TMEM53: variants seen among roughly 807,000 people sequenced by gnomAD.
TMEM53 encodes the protein transmembrane protein 53, also known as novel DUF829 domain-containing protein.
A neutral mutation model predicts 21.4 loss-of-function variants in TMEM53; 14 were observed. The ratio of observed to expected loss-of-function variants is 0.65; its 90% confidence interval spans 0.43 to 1.02. The LOEUF (loss-of-function observed/expected upper bound fraction) is 1.02, where lower values mean the gene tolerates loss of function less well. Ranked by LOEUF, TMEM53 falls within the 50% of genes least tolerant of loss-of-function variation. The probability of loss-of-function intolerance (pLI) is 0.00; values close to 1 mark genes in which losing one functional copy is unlikely to be tolerated. For synonymous variants in TMEM53, 148 were observed against 157.4 expected, an observed-to-expected ratio of 0.94 and a Z score of 0.45; for missense variants, 323 against 383.6, an observed-to-expected ratio of 0.84 and a Z score of 1.32.
intron 2 of TMEM53, among the ~76,000 whole-genome samples, chr1:44,658,132 C>T (rs373122836): frequency 2.0e-5 from 3 of 152,142 alleles, no homozygotes; most frequent in African/African-American, 7.2e-5. Flanking sequence ...CTGGCCACTC[C>T]TCCTTTCCTT....
At chr1:44,656,009 G>C (rs907516910) in intron 2 of TMEM53, among the ~76,000 whole-genome samples, 2 of 152,084 alleles carry the variant, frequency 1.3e-5, no homozygotes, top group Non-Finnish European at 2.9e-5. Context: ...TCTCCACACA[G>C]GTCCCCTTCT....
intron 1 of TMEM53, among the ~76,000 whole-genome samples, chr1:44,668,124 A>G (rs1366503339): frequency 6.6e-6 from 1 of 152,166 alleles, no homozygotes; most frequent in Non-Finnish European, 1.5e-5. Flanking sequence ...CAGAATGAAA[A>G]TAGAAACCAT....
rs564983822 is a variant in TMEM53 at position 44,658,276 on chromosome 1, C to T, written c.183+1898G>A. On this transcript the variant is annotated intron_variant, in intron 2 of 2. Transcript: ENST00000372237. ...GCCTATGGATTCTCTTCTAGTGTTCCGGTCTCAAAAAACACACCCCCCTCT... is the reference window on the plus strand; with the variant it reads ...GCCTATGGATTCTCTTCTAGTGTTCTGGTCTCAAAAAACACACCCCCCTCT... 3.0e-4 allele frequency among the ~76,000 whole-genome samples: 45 copies of T among 152,154 alleles called. 1 individual carries two copies. The highest frequency in any genetic ancestry group is 7.7e-4 in the East Asian group (4 of 5,184).
intron 1 of TMEM53, among the ~76,000 whole-genome samples, chr1:44,669,946 G>GCA (rs1557497924): frequency 3.3e-5 from 5 of 151,776 alleles, no homozygotes; most frequent in African/African-American, 1.2e-4. Context: ...TTATAGGCAT[G>GCA]CGCCACCACA....
Position 44,674,393 on chromosome 1 carries a change from G to A in TMEM53, c.-2C>T. The A allele has an allele frequency of 6.2e-7, 1 of 1,610,924 alleles. No individual in the cohort carries two copies. The highest frequency in any genetic ancestry group is 8.5e-7 in the Non-Finnish European group (1 of 1,178,376). ...GTAGTCCAGCTCTGCCGAGGCCATG[G>A]TGAAGGCGCCGGCCCAGAGCACGGG... On this transcript the variant is annotated 5_prime_UTR_variant, in exon 1 of 3. Transcript: ENST00000372237.
chr1:44,660,353 C>A, intron 1 of TMEM53, 58 bp from the exon 2 acceptor site: 1 of 1,557,448 alleles, frequency 6.4e-7, no homozygotes, highest in Non-Finnish European at 8.7e-7. Context: ...GGGGTGACTG[C>A]CCAATCCAGA....
At position 44,654,933 on chromosome 1, in the gene TMEM53, C is replaced by T; in HGVS notation, c.460G>A (p.Ala154Thr). ...AGGATGGCTGCCAGGGCCCGCAGAG[C>T]CCCTACCAGGTTGCTGTCACCAGGA... ...SAPGDSNLVG[A>T]LRALAAILER... Residue 154 changes from alanine (A) to threonine (T), a missense_variant, in exon 3 of 3, where the codon GCT becomes ACT. By Grantham distance (58) the Ala-to-Thr change is moderately conservative (BLOSUM62 0). Transcript: ENST00000372237. This position sits in a 1 kb window ranked among gnomAD's most constrained non-coding sequence, Gnocchi z 7.0. The T allele has an allele frequency of 6.2e-7, 1 of 1,613,524 alleles. No individual in the cohort carries two copies. The highest frequency in any genetic ancestry group is 1.3e-5 in the African/African-American group (1 of 75,050).
At position 44,654,379 on chromosome 1, in the gene TMEM53, G is replaced by T; in HGVS notation, c.*180C>A. On this transcript the variant is annotated 3_prime_UTR_variant, in exon 3 of 3. Coordinates refer to ENST00000372237, the MANE Select transcript of TMEM53 (RefSeq NM_024587.4). This position sits in a 1 kb window ranked among gnomAD's most constrained non-coding sequence, Gnocchi z 7.0. The stretch of plus-strand genomic sequence containing the variant: ...CCTGCCCCTTAGGATTCTGTGGTAA[G>T]CAGACCACCAGCAGACAGAGGCCCC... 1 of 677,004 alleles carries T rather than the reference G, an allele frequency of 1.5e-6. No individual in the cohort carries two copies. Among genetic ancestry groups the T allele is most frequent in the Non-Finnish European group, 2.5e-6 (1 of 405,508 alleles). 41.9% of individuals were successfully genotyped at this position (677,004 alleles called of 1,614,324 possible).
chr1:44,661,727 G>A (rs867703184), intron 1 of TMEM53, among the ~76,000 whole-genome samples: 26 of 152,224 alleles, frequency 1.7e-4, no homozygotes, highest in Admixed American at 5.9e-4. Context: ...GTGTAGGGCT[G>A]GGAATCTGGC....
rs1033591049 is a variant in TMEM53 at position 44,654,428 on chromosome 1, T to C, written c.*131A>G. On this transcript the variant is annotated 3_prime_UTR_variant, in exon 3 of 3. Coordinates refer to ENST00000372237, the MANE Select transcript of TMEM53 (RefSeq NM_024587.4). This position sits in a 1 kb window ranked among gnomAD's most constrained non-coding sequence, Gnocchi z 7.0. ...CCCAGGAGACAGGCCCATAGGAATT[T>C]TCTACTTAGGGGACCGCAAAGTCCC... 4 of 1,104,812 alleles carry C rather than the reference T, an allele frequency of 3.6e-6. No individual in the cohort carries two copies. In the African/African-American group the frequency reaches 6.3e-5, roughly 17 times the overall value. The allele number at this position is 1,104,812 out of a possible 1,614,324, so 68.4% of individuals were successfully genotyped here. A position where few individuals can be genotyped will look rare whatever the true frequency, so the allele number is the denominator to read the frequency against.
chr1:44,654,986 C>T lies in TMEM53; in HGVS notation c.407G>A (p.Arg136His), dbSNP rs1049665574. The change falls in exon 3 of 3, where the codon CGT (arginine) becomes CAT (histidine). Residue 136 changes from arginine (R) to histidine (H), a missense_variant. Coordinates refer to ENST00000372237, the MANE Select transcript of TMEM53 (RefSeq NM_024587.4). This position sits in a 1 kb window ranked among gnomAD's most constrained non-coding sequence, Gnocchi z 7.0. ...LLQTRRFCRL[R>H]VVGTIFDSAP... is the part of the protein sequence containing the mutation. The stretch of plus-strand genomic sequence containing the variant: ...GCTGTCAAAGATGGTGCCCACCACA[C>T]GCAGGCGGCAGAAGCGACGGGTCTG... The T allele has an allele frequency of 8.7e-6, 14 of 1,613,820 alleles. No individual in the cohort carries two copies. Among genetic ancestry groups the T allele is most frequent in the Admixed American group, 1.7e-5 (1 of 59,988 alleles).
chr1:44,660,846 G>T (rs991396277), intron 1 of TMEM53, among the ~76,000 whole-genome samples: 1 of 151,740 alleles, frequency 6.6e-6, no homozygotes, highest in African/African-American at 2.4e-5. Context: ...GGTGGCAGGT[G>T]CCTGTAGTCC....
intron 1 of TMEM53, among the ~76,000 whole-genome samples, chr1:44,666,951 C>G (rs1415851708): frequency 1.3e-5 from 2 of 151,824 alleles, no homozygotes; most frequent in Non-Finnish European, 2.9e-5. Flanking sequence ...CTCAAGCGAT[C>G]CTCCCATCAC....
chr1:44,667,740 G>C (rs1374245937), intron 1 of TMEM53, among the ~76,000 whole-genome samples: 1 of 152,010 alleles, frequency 6.6e-6, no homozygotes, highest in Non-Finnish European at 1.5e-5. Flanking sequence ...TCTGCAATGA[G>C]AGTTAAAATA....
chr1:44,654,476 G>A lies in TMEM53; in HGVS notation c.*83C>T, dbSNP rs989391694. On this transcript the variant is annotated 3_prime_UTR_variant, in exon 3 of 3. Coordinates refer to ENST00000372237, the MANE Select transcript of TMEM53 (RefSeq NM_024587.4). This position sits in a 1 kb window ranked among gnomAD's most constrained non-coding sequence, Gnocchi z 7.0. ...CCCAAAGGGCTACAGGGAGTTGAACGAGAAGAGTGCCCGACAGATTGCAGG... is the reference window on the plus strand; with the variant it reads ...CCCAAAGGGCTACAGGGAGTTGAACAAGAAGAGTGCCCGACAGATTGCAGG... 2.5e-5 allele frequency: 38 copies of A among 1,502,364 alleles called. No individual in the cohort carries two copies. The highest frequency in any genetic ancestry group is 1.4e-4 in the East Asian group (6 of 43,970). The allele number at this position is 1,502,364 out of a possible 1,614,324, so 93.1% of individuals were successfully genotyped here.
chr1:44,666,841 CT>C (rs904950821), intron 1 of TMEM53, among the ~76,000 whole-genome samples: 37 of 142,238 alleles, frequency 2.6e-4, no homozygotes, highest in African/African-American at 5.1e-4. Flanking sequence ...GTGAATTGTA[CT>C]TTTTTTTTTT....
At position 44,655,196 on chromosome 1, in the gene TMEM53, A is replaced by T; in HGVS notation, c.197T>A (p.Ile66Asn). 2 of 1,605,934 alleles carry T rather than the reference A, an allele frequency of 1.2e-6. No homozygotes were observed. Among genetic ancestry groups the T allele is most frequent in the Non-Finnish European group, 1.7e-6 (2 of 1,175,748 alleles). ...AIYHKRGCIV[I>N]RYTAPWHMVF... ...CATGTGCCACGGGGCTGTGTATCGG[A>T]TTACGATGCAGCCCTGGGGAGAGAG... The change falls in exon 3 of 3, where the codon ATC becomes AAC. Residue 66 changes from isoleucine to asparagine, a missense_variant. By Grantham distance (149) the Ile-to-Asn change is moderately radical. Around this residue, in one of 3 missense-constraint regions of TMEM53, gnomAD observed 269 missense variants for 334.5 expected, o/e 0.80. Coordinates refer to ENST00000372237, the MANE Select transcript of TMEM53 (RefSeq NM_024587.4). This position sits in a 1 kb window ranked among gnomAD's most constrained non-coding sequence, Gnocchi z 4.4.
Position 44,671,221 on chromosome 1 carries a change from G to C in TMEM53, c.61+3110C>G, listed in dbSNP as rs375657821. Among the ~76,000 whole-genome samples the C allele has an allele frequency of 1.8e-4, 27 of 152,350 alleles. No individual in the cohort carries two copies. The East Asian group carries it at 2.3e-3, about 13-fold the overall frequency. The stretch of plus-strand genomic sequence containing the variant: ...GAGGGAGGAGGGAAGACAGATTCTG[G>C]GTCAAACGACCGGCTTTAGCAAAGG... On this transcript the variant is annotated intron_variant, in intron 1 of 2. Coordinates refer to ENST00000372237, the MANE Select transcript of TMEM53 (RefSeq NM_024587.4).
chr1:44,656,761 C>A (rs1162380377), intron 2 of TMEM53, among the ~76,000 whole-genome samples: 1 of 151,802 alleles, frequency 6.6e-6, no homozygotes, highest in Non-Finnish European at 1.5e-5. Flanking sequence ...CACCTGTAAT[C>A]CCAACACTTT....
Sources: allele counts gnomAD v4.1 joint callset (sites outside exome capture counted in the v4.1 genomes callset), GRCh38; gene constraint gnomAD v4.1.1; regional missense constraint gnomAD v4.1.1; non-coding constraint Gnocchi (gnomAD v3.1); transcripts MANE v1.5; gene names NCBI Gene and HGNC (gene_info 2026-07-23, HGNC 2026-07-21).